NAALADL2: variants seen among roughly 807,000 people sequenced by gnomAD.
The protein encoded by NAALADL2 is N-acetylated alpha-linked acidic dipeptidase like 2, also known as inactive N-acetylated-alpha-linked acidic dipeptidase-like protein 2.
A neutral mutation model predicts 87.2 loss-of-function variants in NAALADL2; 76 were observed. The ratio of observed to expected loss-of-function variants is 0.87; its 90% CI spans 0.72 to 1.05. NAALADL2 has a LOEUF of 1.05. NAALADL2 is among the 50% of genes least tolerant of loss of function. The probability of loss-of-function intolerance (pLI) is 0.00; values close to 1 mark genes in which losing one functional copy is unlikely to be tolerated. For missense variants in NAALADL2, 1,089 were observed against 945.8 expected, an observed-to-expected ratio of 1.15 and a Z score of -1.99; for synonymous variants, 354 against 331.0, an observed-to-expected ratio of 1.07 and a Z score of -0.75.
intron 11 of NAALADL2, among the ~76,000 whole-genome samples, chr3:175,692,374 A>G (rs1428241839): frequency 6.6e-6 from 1 of 152,154 alleles, no homozygotes; most frequent in Non-Finnish European, 1.5e-5. Context: ...AGATTTTGAT[A>G]AACAATGGGA....
At chr3:174,656,295 A>T (rs1015370256) in intron 2 of NAALADL2, among the ~76,000 whole-genome samples, 1 of 152,208 alleles carries the variant, frequency 6.6e-6, no homozygotes, top group Non-Finnish European at 1.5e-5. Flanking sequence ...AGAGAAACAG[A>T]ACTGAAGGAT....
At chr3:175,102,638 C>T (rs1722409075) in intron 2 of NAALADL2, among the ~76,000 whole-genome samples, 2 of 152,044 alleles carry the variant, frequency 1.3e-5, no homozygotes, top group African/African-American at 4.8e-5. Flanking sequence ...TAATAAAATA[C>T]AATCTCTAGA....
chr3:174,506,411 C>T (rs1050942186), intron 1 of NAALADL2, among the ~76,000 whole-genome samples: 1 of 151,960 alleles, frequency 6.6e-6, no homozygotes. Flanking sequence ...AAACTCCTGA[C>T]CTCAAATAAT....
chr3:174,920,857 G>A (rs951849864), intron 1 of NAALADL2, among the ~76,000 whole-genome samples: 6 of 152,016 alleles, frequency 3.9e-5, no homozygotes, highest in Admixed American at 3.9e-4. Context: ...GTAATTAATT[G>A]TCCTAATTTC....
At chr3:175,625,807 T>A (rs1321105412) in intron 10 of NAALADL2, among the ~76,000 whole-genome samples, 1 of 151,924 alleles carries the variant, frequency 6.6e-6, no homozygotes. Flanking sequence ...AGTTTCTGCC[T>A]GATAGGTATG....
At chr3:175,176,095 A>C (rs1198435443) in intron 2 of NAALADL2, among the ~76,000 whole-genome samples, 1 of 152,140 alleles carries the variant, frequency 6.6e-6, no homozygotes, top group Non-Finnish European at 1.5e-5. Flanking sequence ...GAATGTGTGC[A>C]TTTCATACTG....
chr3:175,079,369 G>A (rs1717284864), intron 1 of NAALADL2: 1 of 152,050 alleles, frequency 6.6e-6, no homozygotes, highest in African/African-American at 2.4e-5. Context: ...TCTCCCATTG[G>A]TGGGTTGCCT....
intron 2 of NAALADL2, among the ~76,000 whole-genome samples, chr3:175,193,406 C>T (rs1034738607): frequency 1.1e-4 from 16 of 151,688 alleles, no homozygotes; most frequent in African/African-American, 2.7e-4. Context: ...GTGTAATGGT[C>T]AGGAAGAAGA....
At position 175,696,184 on chromosome 3, in the gene NAALADL2, A is replaced by G. The variant is rs113633297; in HGVS notation, c.1897-41122A>G. Among the ~76,000 whole-genome samples the G allele has an allele frequency of 3.6e-3, 552 of 152,286 alleles. 2 individuals are homozygous for G. The highest frequency in any genetic ancestry group is 6.0e-3 in the Non-Finnish European group (410 of 68,020). ...TTTCTTATTCAAAAACGTTTATGTAATATACATTAGTGCTCATCTAGCACA... is the reference window on the plus strand; with the variant it reads ...TTTCTTATTCAAAAACGTTTATGTAGTATACATTAGTGCTCATCTAGCACA... On this transcript the variant is annotated intron_variant, in intron 11 of 13. Transcript: ENST00000454872.
intron 1 of NAALADL2, among the ~76,000 whole-genome samples, chr3:174,972,273 T>C (rs1743788678): frequency 6.6e-6 from 1 of 152,226 alleles, no homozygotes; most frequent in African/African-American, 2.4e-5. Flanking sequence ...AAACCTACCA[T>C]TATTTTTTCT....
At chr3:175,274,108 C>T (rs1753244784) in intron 4 of NAALADL2, among the ~76,000 whole-genome samples, 2 of 152,050 alleles carry the variant, frequency 1.3e-5, no homozygotes, top group African/African-American at 4.8e-5. Context: ...TTAATTGACT[C>T]ACTGTTCCAC....
intron 5 of NAALADL2, among the ~76,000 whole-genome samples, chr3:175,367,662 T>C (rs1189262417): frequency 1.3e-5 from 2 of 152,124 alleles, no homozygotes; most frequent in South Asian, 2.1e-4. Flanking sequence ...TCTCTGTCTG[T>C]TATTGGTGTA....
rs182708433 is a variant in NAALADL2 at position 175,395,850 on chromosome 3, A to T, written c.1091-51379A>T. ...TTGCTGTATTATTTTATATTTTATG[A>T]GCAATGAAATGGCAGTATGAACCAA... On this transcript the variant is annotated intron_variant, in intron 5 of 13. Transcript: ENST00000454872. 6.1e-3 allele frequency among the ~76,000 whole-genome samples: 929 copies of T among 152,290 alleles called. 4 individuals are homozygous for T. The highest frequency in any genetic ancestry group is 9.1e-3 in the Non-Finnish European group (621 of 68,030).
chr3:175,737,386 A>C lies in NAALADL2; in HGVS notation c.1977A>C (p.Gln659His), dbSNP rs1305143721. Reference sequence around the variant, plus strand: ...CACTTGATATAGCTTTAGAAGTTCAAAACAACCTTAAAGGTAATTTTCCTT... The same window carrying C: ...CACTTGATATAGCTTTAGAAGTTCACAACAACCTTAAAGGTAATTTTCCTT... ...FNALDIALEVQNNLKGDQPNT... is the reference protein window; with the variant it reads ...FNALDIALEVHNNLKGDQPNT... Residue 659 changes from glutamine (Q) to histidine (H), a missense_variant, in exon 12 of 14, where the codon CAA becomes CAC. Coordinates refer to ENST00000454872, the MANE Select transcript of NAALADL2 (RefSeq NM_207015.3). 6.3e-7 allele frequency: 1 copy of C among 1,595,726 alleles called. No homozygotes were observed. Among genetic ancestry groups the C allele is most frequent in the African/African-American group, 1.3e-5 (1 of 74,480 alleles).
chr3:175,360,810 C>CTG (rs746890254), intron 5 of NAALADL2, among the ~76,000 whole-genome samples: 2,155 of 109,786 alleles, frequency 0.02, 32 homozygotes, highest in South Asian at 0.037. Flanking sequence ...TAATATTCCA[C>CTG]TGTGTGTGTG....
chr3:174,682,414 T>G (rs1019565877), intron 2 of NAALADL2, among the ~76,000 whole-genome samples: 1 of 151,990 alleles, frequency 6.6e-6, no homozygotes, highest in Admixed American at 6.6e-5. Flanking sequence ...TGAACTTAGG[T>G]GATAGCCAGG....
At chr3:174,481,795 T>A (rs1406122063) in intron 1 of NAALADL2, among the ~76,000 whole-genome samples, 1 of 152,054 alleles carries the variant, frequency 6.6e-6, no homozygotes, top group Non-Finnish European at 1.5e-5. Context: ...TAATTTCTCT[T>A]ATAATGAGTT....
chr3:175,002,981 C>A (rs1748445942), intron 1 of NAALADL2, among the ~76,000 whole-genome samples: 1 of 152,110 alleles, frequency 6.6e-6, no homozygotes, highest in African/African-American at 2.4e-5. Context: ...GTTATGCTCA[C>A]AAAAATGCAA....
intron 5 of NAALADL2, among the ~76,000 whole-genome samples, chr3:175,360,534 C>G (rs1764869328): frequency 6.6e-6 from 1 of 151,968 alleles, no homozygotes; most frequent in Admixed American, 6.6e-5. Flanking sequence ...TCTCCAGTAA[C>G]TTCTCAGAAA....
Sources: allele counts gnomAD v4.1 joint callset (sites outside exome capture counted in the v4.1 genomes callset), GRCh38; gene constraint gnomAD v4.1.1; transcripts MANE v1.5; gene names NCBI Gene and HGNC (gene_info 2026-07-23, HGNC 2026-07-21).